Variants in ADGRB3 observed in about 807,000 individuals in gnomAD.
ADGRB3 encodes adhesion G protein-coupled receptor B3.
A neutral mutation model predicts 193.4 loss-of-function variants in ADGRB3; 37 were observed. The ratio of observed to expected loss-of-function variants is 0.19; its 90% CI spans 0.15 to 0.25. The LOEUF (loss-of-function observed/expected upper bound fraction) is 0.25, where lower values mean the gene tolerates loss of function less well. Ranked by LOEUF, ADGRB3 falls within the 10% of genes least tolerant of loss-of-function variation. The pLI, the probability that ADGRB3 is intolerant of heterozygous loss-of-function variation, is 1.00. For missense variants in ADGRB3, 1,637 were observed against 1,852.9 expected (o/e 0.88, Z 2.14); for synonymous variants, 690 against 644.2 (o/e 1.07, Z -1.08).
chr6:69,293,997 A>G (rs1432764261), intron 20 of ADGRB3, among the ~76,000 whole-genome samples: 1 of 152,028 alleles, frequency 6.6e-6, no homozygotes, highest in Non-Finnish European at 1.5e-5. Context: ...GGTCTGCCAA[A>G]AATGTTGGTG....
In ADGRB3 at chr6:69,235,103, T is replaced by C. The variant is rs1448641630; in HGVS notation, c.2679T>C (p.Ile893=). The change falls in exon 19 of 32, where the codon ATT becomes ATC. Residue 893 remains isoleucine (I), a synonymous_variant. Transcript: ENST00000370598. ...GTGGTCTTTCTTGCTTGGCCTTGATTACCCTAGCAGTTGTCTATGCAGCAT... is the reference window on the plus strand; with the variant it reads ...GTGGTCTTTCTTGCTTGGCCTTGATCACCCTAGCAGTTGTCTATGCAGCAT... ...VGSGLSCLAL[I]TLAVVYAALW... is the part of the protein sequence containing the mutation. The C allele has an allele frequency of 6.2e-7, 1 of 1,612,408 alleles. No individual in the cohort carries two copies. The highest frequency in any genetic ancestry group is 1.1e-5 in the South Asian group (1 of 91,048).
intron 3 of ADGRB3, among the ~76,000 whole-genome samples, chr6:68,666,896 C>T (rs919208831): frequency 2.6e-5 from 4 of 151,486 alleles, no homozygotes; most frequent in African/African-American, 9.7e-5. Flanking sequence ...GTGTTTTGTA[C>T]TCTCTGAAAA....
At chr6:69,285,012 A>G (rs1244976562) in intron 20 of ADGRB3, among the ~76,000 whole-genome samples, 1 of 152,222 alleles carries the variant, frequency 6.6e-6, no homozygotes, top group Non-Finnish European at 1.5e-5. Flanking sequence ...ATTAAAGTTG[A>G]CAATCAAAAA....
chr6:69,260,382 T>A (rs190464897), intron 20 of ADGRB3, among the ~76,000 whole-genome samples: 1 of 152,310 alleles, frequency 6.6e-6, no homozygotes, highest in East Asian at 1.9e-4. Context: ...GTATTTACAT[T>A]TCTTCAAGCA....
intron 20 of ADGRB3, among the ~76,000 whole-genome samples, chr6:69,313,229 A>G (rs1768235875): frequency 6.6e-6 from 1 of 151,868 alleles, no homozygotes; most frequent in African/African-American, 2.4e-5. Context: ...AGGGAATAGC[A>G]CTAATAGATC....
intron 3 of ADGRB3, among the ~76,000 whole-genome samples, chr6:68,845,057 GA>G (rs1768246451): frequency 1.3e-5 from 2 of 152,138 alleles, no homozygotes; most frequent in African/African-American, 4.8e-5. Context: ...GTATTTGATG[GA>G]AAAACAGGGT....
chr6:68,832,537 A>C (rs145884711), intron 3 of ADGRB3, among the ~76,000 whole-genome samples: 22 of 152,328 alleles, frequency 1.4e-4, no homozygotes, highest in African/African-American at 4.8e-4. Flanking sequence ...ATATCAACAA[A>C]GATGATACGT....
chr6:69,146,000 A>T (rs945782751), intron 17 of ADGRB3, among the ~76,000 whole-genome samples: 1 of 152,124 alleles, frequency 6.6e-6, no homozygotes, highest in Non-Finnish European at 1.5e-5. Context: ...AGTCCACGGG[A>T]TTACCAGCCC....
chr6:68,726,920 C>T (rs1249731511), intron 3 of ADGRB3, among the ~76,000 whole-genome samples: 1 of 151,460 alleles, frequency 6.6e-6, no homozygotes, highest in East Asian at 1.9e-4. Context: ...GCTGCAGTTT[C>T]CTCATTGGAT....
At chr6:69,363,237 A>G (rs1769490305) in intron 29 of ADGRB3, among the ~76,000 whole-genome samples, 1 of 152,002 alleles carries the variant, frequency 6.6e-6, no homozygotes, top group Non-Finnish European at 1.5e-5. Flanking sequence ...TAAATGACTT[A>G]GAGATCACAA....
At chr6:69,062,135 G>A (rs1223834347) in intron 15 of ADGRB3, among the ~76,000 whole-genome samples, 1 of 151,806 alleles carries the variant, frequency 6.6e-6, no homozygotes, top group East Asian at 1.9e-4. Flanking sequence ...TGTGTTATGA[G>A]TAAAATTAAA....
At chr6:69,221,035 A>T (rs1234535888) in intron 17 of ADGRB3, among the ~76,000 whole-genome samples, 1 of 152,052 alleles carries the variant, frequency 6.6e-6, no homozygotes, top group Admixed American at 6.6e-5. Context: ...GAGCAAAGGG[A>T]CTATGTTTAT....
At chr6:68,854,136 C>T (rs1283465520) in intron 3 of ADGRB3, among the ~76,000 whole-genome samples, 3 of 152,152 alleles carry the variant, frequency 2.0e-5, no homozygotes, top group Admixed American at 6.6e-5. Flanking sequence ...TCTATGTGCA[C>T]AGGCTCCATC....
intron 3 of ADGRB3, among the ~76,000 whole-genome samples, chr6:68,880,478 T>C (rs1218052172): frequency 6.6e-6 from 1 of 152,206 alleles, no homozygotes; most frequent in Non-Finnish European, 1.5e-5. Flanking sequence ...ATTACCTTTT[T>C]TGCCATCCCA....
intron 20 of ADGRB3, among the ~76,000 whole-genome samples, chr6:69,279,084 T>C (rs1462818639): frequency 9.6e-6 from 1 of 104,672 alleles, no homozygotes; most frequent in Admixed American, 8.9e-5. Flanking sequence ...TATATATATA[T>C]ATATATATAT....
At chr6:68,817,993 G>A (rs1197913657) in intron 3 of ADGRB3, among the ~76,000 whole-genome samples, 1 of 151,952 alleles carries the variant, frequency 6.6e-6, no homozygotes, top group African/African-American at 2.4e-5. Flanking sequence ...AAGTTGTGGT[G>A]AAATGGGATA....
rs182295757 is a variant in ADGRB3, at chr6:69,109,779, T to C, written c.2480+33741T>C. ...GAAAGGGGATAATATTAAATACTAT[T>C]TGGTGGGCTTAGTGTAGCAAGTCTA... On this transcript the variant is annotated intron_variant, in intron 17 of 31. Coordinates refer to ENST00000370598, the MANE Select transcript of ADGRB3 (RefSeq NM_001704.3). Among the ~76,000 whole-genome samples, 564 of 152,220 alleles carry C rather than the reference T, an allele frequency of 3.7e-3. 2 individuals are homozygous for C. Among genetic ancestry groups the C allele is most frequent in the Non-Finnish European group, 4.7e-3 (318 of 68,006 alleles).
intron 20 of ADGRB3, among the ~76,000 whole-genome samples, chr6:69,259,472 G>T (rs556245542): frequency 1.3e-5 from 2 of 151,984 alleles, no homozygotes; most frequent in East Asian, 3.9e-4. Flanking sequence ...AAGGTGGGCG[G>T]ATCACGAGGC....
rs144380520 is a variant in ADGRB3 at position 68,870,545 on chromosome 6, G to T, written c.758-60014G>T. 6.8e-3 allele frequency among the ~76,000 whole-genome samples: 1,038 copies of T among 152,228 alleles called. 6 individuals are homozygous for T. The highest frequency in any genetic ancestry group is 9.4e-3 in the Non-Finnish European group (642 of 68,012). On this transcript the variant is annotated intron_variant, in intron 3 of 31. Transcript: ENST00000370598. ...CCTCATAGCATCCAAAGACATTTGA[G>T]CTTTTGACCCTTGAGTTAATCCATC...
Sources: allele counts gnomAD v4.1 joint callset (sites outside exome capture counted in the v4.1 genomes callset), GRCh38; gene constraint gnomAD v4.1.1; transcripts MANE v1.5; gene names NCBI Gene and HGNC (gene_info 2026-07-23, HGNC 2026-07-21).